The following B4GALNT2 variants were observed in gnomAD, a reference collection of about 807,000 sequenced individuals.
B4GALNT2 encodes the protein beta-1,4-N-acetyl-galactosaminyltransferase 2 (SID blood group), also known as N-acetylneuraminylgalactosylglucosyl-glucoside beta-1,4-N- acetylgalactosaminyltransferase 2.
B4GALNT2 carries 42 observed loss-of-function variants against 51.1 expected under a neutral mutation model. That is an observed-to-expected ratio of 0.82 (90% CI 0.64 to 1.06). The LOEUF (loss-of-function observed/expected upper bound fraction) is 1.06, where lower values mean the gene tolerates loss of function less well. B4GALNT2 is among the 50% of genes least tolerant of loss of function. The probability of loss-of-function intolerance (pLI) is 0.00; values close to 1 mark genes in which losing one functional copy is unlikely to be tolerated. For missense variants in B4GALNT2, 602 were observed against 633.6 expected, an observed-to-expected ratio of 0.95 and a Z score of 0.54; for synonymous variants, 253 against 251.7, an observed-to-expected ratio of 1.01 and a Z score of -0.05.
chr17:49,123,439 C>G, the B4GALNT2 span, among the ~76,000 whole-genome samples: 2 of 152,216 alleles, frequency 1.3e-5, no homozygotes, highest in Non-Finnish European at 2.9e-5. Context: ...CATTTGGCAA[C>G]ACTAGAATTT....
At chr17:49,148,400 A>ACACAGC in intron 3 of B4GALNT2, 1 of 329,306 alleles carries the variant, frequency 3.0e-6, no homozygotes, top group South Asian at 2.5e-5. Flanking sequence ...TTGGTTGTTG[A>ACACAGC]CACAGCCTCA....
chr17:49,151,700 C>T (rs373857843), intron 3 of B4GALNT2, among the ~76,000 whole-genome samples: 6 of 150,548 alleles, frequency 4.0e-5, no homozygotes, highest in South Asian at 2.1e-4. Flanking sequence ...GAGCTGAGAT[C>T]GCACCACTGA....
At chr17:49,131,804 C>T (rs921275309), upstream of B4GALNT2, among the ~76,000 whole-genome samples, 6 of 152,112 alleles carry the variant, frequency 3.9e-5, no homozygotes, top group African/African-American at 1.4e-4. Flanking sequence ...AGACACCGCA[C>T]CCGGCCCCAT....
At chr17:49,149,952 T>G (rs956271481) in intron 3 of B4GALNT2, among the ~76,000 whole-genome samples, 3 of 152,252 alleles carry the variant, frequency 2.0e-5, no homozygotes, top group African/African-American at 7.2e-5. Flanking sequence ...CCATGTTTTT[T>G]TTAATTCACA....
chr17:49,174,497 A>C lies in B4GALNT2; in HGVS notation c.*4769A>C, dbSNP rs773478074. ...GACTATTAAAGGCCAATTCTTTGGA[A>C]TCATAGCAGGAGAAGGCAGTCCTGG... On this transcript the variant is annotated 3_prime_UTR_variant, in exon 11 of 11. Coordinates refer to ENST00000393354, the MANE Select transcript of B4GALNT2 (RefSeq NM_001159387.2). 6.6e-6 allele frequency: 1 copy of C among 152,230 alleles called. No individual in the cohort carries two copies. Among genetic ancestry groups the C allele is most frequent in the African/African-American group, 2.4e-5 (1 of 41,456 alleles). 9.4% of individuals were successfully genotyped at this position (152,230 alleles called of 1,614,324 possible).
chr17:49,168,994 T>C (rs2042937016), intron 10 of B4GALNT2, 94 bp downstream of exon 10: 1 of 1,303,876 alleles, frequency 7.7e-7, no homozygotes, highest in Admixed American at 2.2e-5. Context: ...TGGCTGATCA[T>C]AGTCGCTTGC....
At chr17:49,133,342 C>G (rs1324367913) in intron 1 of B4GALNT2, 10 of 1,200,580 alleles carry the variant, frequency 8.3e-6, no homozygotes, top group Non-Finnish European at 1.1e-5. Context: ...AGGCGCCCAC[C>G]GCAGGGCAGA....
chr17:49,147,460 C>A (rs1387225780), intron 3 of B4GALNT2, among the ~76,000 whole-genome samples: 1 of 151,442 alleles, frequency 6.6e-6, no homozygotes, highest in Admixed American at 6.6e-5. Flanking sequence ...CTGCAACCTC[C>A]ACTTTCTGGG....
intron 5 of B4GALNT2, among the ~76,000 whole-genome samples, chr17:49,157,116 C>T (rs953934858): frequency 3.9e-5 from 6 of 152,146 alleles, no homozygotes; most frequent in South Asian, 2.1e-4. Context: ...GTGAGCAGAT[C>T]GGCAAGGCCT....
rs773384120 is a variant in B4GALNT2, at chr17:49,168,734, G to C, written c.1149G>C (p.Gln383His). ...TCCAGTTTAAGTTGTTGCTGGAACA[G>C]AGTGAGAATGGGGCCTGCCTTCACA... The part of the protein sequence containing the change: ...NVFQFKLLLE[Q>H]SENGACLHKR... Residue 383 changes from glutamine to histidine, a missense_variant, in exon 10 of 11, where the codon CAG becomes CAC. Gln to His is a conservative substitution (Grantham distance 24). Transcript: ENST00000393354. 3 of 1,614,028 alleles carry C rather than the reference G, an allele frequency of 1.9e-6. No individual in the cohort carries two copies. The highest frequency in any genetic ancestry group is 1.3e-5 in the African/African-American group (1 of 74,920).
Position 49,142,122 on chromosome 17 carries a change from C to T in B4GALNT2, c.303C>T (p.Leu101=). The T allele has an allele frequency of 1.2e-6, 2 of 1,614,124 alleles. No homozygotes were observed. Among genetic ancestry groups the T allele is most frequent in the Non-Finnish European group, 1.7e-6 (2 of 1,180,026 alleles). Residue 101 remains leucine (L), a synonymous_variant, in exon 3 of 11, where the codon CTC becomes CTT. Coordinates refer to ENST00000393354, the MANE Select transcript of B4GALNT2 (RefSeq NM_001159387.2). ...AGGATGCCTATGGCCAGAGCGACCTCCCAGCGGTGAAAGCGAGGAGACAGG... is the reference window on the plus strand; with the variant it reads ...AGGATGCCTATGGCCAGAGCGACCTTCCAGCGGTGAAAGCGAGGAGACAGG... ...NFQDAYGQSD[L]PAVKARRQAE...
intron 1 of B4GALNT2, among the ~76,000 whole-genome samples, chr17:49,136,049 C>T (rs1280444555): frequency 1.3e-5 from 2 of 149,496 alleles, no homozygotes; most frequent in Non-Finnish European, 3.0e-5. Flanking sequence ...CGCCACTGCA[C>T]TCCAGCCTGG....
At position 49,142,184 on chromosome 17, in the gene B4GALNT2, C is replaced by T; in HGVS notation, c.353+12C>T. 6.2e-7 allele frequency: 1 copy of T among 1,613,870 alleles called. No homozygotes were observed. On this transcript the variant is annotated intron_variant, in intron 3 of 10. Coordinates refer to ENST00000393354, the MANE Select transcript of B4GALNT2 (RefSeq NM_001159387.2). ...CACTTTCAGAGGAGGTAATGCGGGT[C>T]ATGAAGGCCCTTGGGTTCTGAGATG...
chr17:49,130,688 T>C (rs1218978912), upstream of B4GALNT2, among the ~76,000 whole-genome samples: 2 of 152,286 alleles, frequency 1.3e-5, no homozygotes, highest in Non-Finnish European at 2.9e-5. Context: ...TGAACACTTA[T>C]TCATTGTAAG....
intron 4 of B4GALNT2, among the ~76,000 whole-genome samples, chr17:49,155,884 G>A (rs991392569): frequency 6.6e-6 from 1 of 151,466 alleles, no homozygotes; most frequent in Non-Finnish European, 1.5e-5. Flanking sequence ...CACCATGCCC[G>A]GCCAATTTTT....
intron 10 of B4GALNT2, 122 bp from the exon 11 acceptor site, chr17:49,169,401 G>T: frequency 1.1e-6 from 1 of 906,726 alleles, no homozygotes; most frequent in Non-Finnish European, 1.7e-6. Context: ...TTCACGTGGG[G>T]CTGAACCTCC....
upstream of B4GALNT2, chr17:49,132,632 G>A (rs2042549652): frequency 1.5e-5 from 11 of 744,440 alleles, no homozygotes; most frequent in South Asian, 3.2e-4. Flanking sequence ...GGGGGCGCTG[G>A]TGTGGGGGCG....
intron 9 of B4GALNT2, among the ~76,000 whole-genome samples, chr17:49,166,833 G>C (rs1469960193): frequency 6.6e-6 from 1 of 151,962 alleles, no homozygotes; most frequent in Non-Finnish European, 1.5e-5. Flanking sequence ...GCCAGGGATG[G>C]TGGTGTGCAT....
intron 3 of B4GALNT2, among the ~76,000 whole-genome samples, chr17:49,143,425 A>G (rs1285050222): frequency 2.0e-5 from 3 of 152,202 alleles, no homozygotes; most frequent in African/African-American, 7.2e-5. Flanking sequence ...CAGGCTAGGA[A>G]ATCAGGTAAG....
Sources: gnomAD v4.1 joint callset for allele counts (sites outside exome capture counted in the v4.1 genomes callset) on GRCh38, gnomAD v4.1.1 for gene constraint, MANE v1.5 for transcripts, NCBI Gene and HGNC (gene_info 2026-07-23, HGNC 2026-07-21) for gene names.